CRACD: variants seen among roughly 807,000 people sequenced by gnomAD.
CRACD encodes the protein capping protein-inhibiting regulator of actin dynamics.
Under a neutral mutation model 106.8 loss-of-function variants are expected in CRACD, and 56 were observed. The observed-to-expected ratio is 0.52, with a 90% CI of 0.42 to 0.66. CRACD has a LOEUF of 0.66. CRACD is among the 30% of genes least tolerant of loss of function. The pLI, the probability that CRACD is intolerant of heterozygous loss-of-function variation, is 0.00. For synonymous variants in CRACD, 754 were observed against 670.8 expected, an observed-to-expected ratio of 1.12 and a Z score of -1.92; for missense variants, 1,730 against 1,623.2, an observed-to-expected ratio of 1.07 and a Z score of -1.13.
At chr4:56,156,261 C>T (rs969361675) in intron 1 of CRACD, among the ~76,000 whole-genome samples, 9 of 152,180 alleles carry the variant, frequency 5.9e-5, no homozygotes, top group African/African-American at 1.9e-4. Flanking sequence ...CGCACCTGGC[C>T]GAATGTTGTC....
chr4:56,152,668 C>A lies in CRACD; in HGVS notation c.-335-26616C>A, dbSNP rs187777332. On this transcript the variant is annotated intron_variant, in intron 1 of 10. Coordinates refer to ENST00000682029, the MANE Select transcript of CRACD (RefSeq NM_001393381.1). The stretch of plus-strand genomic sequence containing the variant: ...GAGCTATGATTACACCTCTGCAACT[C>A]CAGCCTGGGCGACAGAGTGAGACCC... Among the ~76,000 whole-genome samples, 6 of 152,160 alleles carry A rather than the reference C, an allele frequency of 3.9e-5. No individual in the cohort carries two copies. The East Asian group carries it at 1.2e-3, about 30-fold the overall frequency.
rs187685605 is a variant in CRACD at position 56,249,594 on chromosome 4, C to T, written c.-188-22727C>T. On this transcript the variant is annotated intron_variant, in intron 2 of 10. Coordinates refer to ENST00000682029, the MANE Select transcript of CRACD (RefSeq NM_001393381.1). ...ACAGGCAATAAATCTTACCAGAATA[C>T]GAGGCACCTGCCTTGGCAGTTATCT... 2.0e-4 allele frequency among the ~76,000 whole-genome samples: 31 copies of T among 152,220 alleles called. No individual in the cohort carries two copies. In the East Asian group the frequency reaches 2.3e-3, roughly 11 times the overall value.
chr4:56,217,443 G>C (rs1738768789), intron 2 of CRACD, among the ~76,000 whole-genome samples: 1 of 151,982 alleles, frequency 6.6e-6, no homozygotes, highest in African/African-American at 2.4e-5. Context: ...GGGTGGGAGG[G>C]GGAGGGATTC....
intron 8 of CRACD, among the ~76,000 whole-genome samples, chr4:56,320,154 A>AC (rs1481349260): frequency 1.3e-5 from 2 of 151,886 alleles, no homozygotes; most frequent in Non-Finnish European, 2.9e-5. Context: ...TCAAAAAAAA[A>AC]AAACAAACCT....
At chr4:56,163,265 A>G (rs929400121) in intron 1 of CRACD, among the ~76,000 whole-genome samples, 1 of 152,094 alleles carries the variant, frequency 6.6e-6, no homozygotes, top group Non-Finnish European at 1.5e-5. Context: ...AGCTATAAAT[A>G]TTCAGCCTGG....
chr4:56,176,970 G>A (rs2109430503), intron 1 of CRACD, among the ~76,000 whole-genome samples: 1 of 152,180 alleles, frequency 6.6e-6, no homozygotes, highest in East Asian at 1.9e-4. Flanking sequence ...AGAGCCTTTA[G>A]ATTTTTCTAA....
chr4:56,134,720 G>A (rs1415204089), intron 1 of CRACD, among the ~76,000 whole-genome samples: 1 of 152,182 alleles, frequency 6.6e-6, no homozygotes, highest in Non-Finnish European at 1.5e-5. Flanking sequence ...GGAATTTGGG[G>A]AGAAGAATAG....
chr4:56,082,319 A>T (rs557415490), intron 1 of CRACD, among the ~76,000 whole-genome samples: 5 of 152,318 alleles, frequency 3.3e-5, no homozygotes, highest in Non-Finnish European at 5.9e-5. Context: ...AATCCAAAAG[A>T]TGAGTGAGGA....
At chr4:56,137,794 A>C (rs1158936618) in intron 1 of CRACD, among the ~76,000 whole-genome samples, 5 of 152,218 alleles carry the variant, frequency 3.3e-5, no homozygotes, top group Non-Finnish European at 7.3e-5. Context: ...TCAAGGTTGC[A>C]ATGAGCTATG....
intron 2 of CRACD, among the ~76,000 whole-genome samples, chr4:56,268,466 T>TA (rs1041846397): frequency 2.0e-5 from 3 of 151,896 alleles, no homozygotes; most frequent in African/African-American, 2.4e-5. Context: ...AAAGCAACTG[T>TA]AAAAAAAATT....
chr4:56,142,333 G>A lies in CRACD; in HGVS notation c.-335-36951G>A, dbSNP rs75345588. Among the ~76,000 whole-genome samples the A allele has an allele frequency of 8.1e-3, 1,227 of 152,170 alleles. 26 individuals carry two copies. The highest frequency in any genetic ancestry group is 0.027 in the African/African-American group (1,133 of 41,512). On this transcript the variant is annotated intron_variant, in intron 1 of 10. Transcript: ENST00000682029. ...TTAATTAGCCACTTCTGTAATGGTG[G>A]CATTTAGGTTGATTTATTTCTTTGT... is the stretch of plus-strand genomic sequence containing the variant.
chr4:56,257,756 G>C (rs1046985186), intron 2 of CRACD, among the ~76,000 whole-genome samples: 3 of 152,110 alleles, frequency 2.0e-5, no homozygotes, highest in East Asian at 3.9e-4. Flanking sequence ...TTAACTAAGA[G>C]TCTGGTACCT....
intron 2 of CRACD, among the ~76,000 whole-genome samples, chr4:56,228,461 A>T (rs375589661): frequency 3.1e-4 from 47 of 152,174 alleles, no homozygotes; most frequent in African/African-American, 1.1e-3. Context: ...CTTGAAGGTT[A>T]TACAGAATTT....
intron 3 of CRACD, among the ~76,000 whole-genome samples, chr4:56,273,806 G>A (rs141715164): frequency 1.4e-3 from 208 of 152,284 alleles, no homozygotes; most frequent in African/African-American, 4.5e-3. Context: ...TCAAAAAAAT[G>A]TTTTCCATGA....
intron 1 of CRACD, among the ~76,000 whole-genome samples, chr4:56,125,764 C>CTTTTTTTTT (rs11289899): frequency 7.1e-4 from 52 of 73,296 alleles, no homozygotes; most frequent in Non-Finnish European, 8.8e-4. Context: ...CATTCTTCTT[C>CTTTTTTTTT]TTTTTTTTTT....
chr4:56,078,918 A>G (rs552054829), intron 1 of CRACD, among the ~76,000 whole-genome samples: 1 of 152,342 alleles, frequency 6.6e-6, no homozygotes, highest in East Asian at 1.9e-4. Context: ...AAGGCTACAC[A>G]AAAGGGTGGC....
chr4:56,190,946 C>T (rs1163003528), intron 2 of CRACD, among the ~76,000 whole-genome samples: 3 of 152,140 alleles, frequency 2.0e-5, no homozygotes, highest in Admixed American at 6.5e-5. Flanking sequence ...GATGCAATCA[C>T]CTCCTACCAG....
chr4:56,285,693 G>A (rs930760183), intron 3 of CRACD, among the ~76,000 whole-genome samples: 3 of 152,064 alleles, frequency 2.0e-5, no homozygotes, highest in Non-Finnish European at 4.4e-5. Context: ...CCATCCTCCC[G>A]CTTTGGTCTC....
chr4:56,094,087 G>A (rs1733514662), intron 1 of CRACD, among the ~76,000 whole-genome samples: 1 of 152,170 alleles, frequency 6.6e-6, no homozygotes, highest in Admixed American at 6.5e-5. Context: ...TATTGATTGA[G>A]TCCAATGTTA....
Sources: gnomAD v4.1 joint callset for allele counts (sites outside exome capture counted in the v4.1 genomes callset) on GRCh38, gnomAD v4.1.1 for gene constraint, MANE v1.5 for transcripts, NCBI Gene and HGNC (gene_info 2026-07-23, HGNC 2026-07-21) for gene names.